The following STARD13 variants were observed in gnomAD, a reference collection of about 807,000 sequenced individuals.
STARD13 encodes stAR-related lipid transfer protein 13.
Under a neutral mutation model 106.4 loss-of-function variants are expected in STARD13, and 62 were observed. The observed-to-expected ratio is 0.58, with a 90% CI of 0.48 to 0.72. The LOEUF (loss-of-function observed/expected upper bound fraction) is 0.72. Among genes scored for constraint, STARD13 ranks in the 30% least tolerant of loss-of-function variants. The probability of loss-of-function intolerance (pLI) is 0.00; values close to 1 mark genes in which losing one functional copy is unlikely to be tolerated. For synonymous variants in STARD13, 565 were observed against 553.0 expected (o/e 1.02, Z -0.31); for missense variants, 1,387 against 1,424.0 (o/e 0.97, Z 0.42).
intron 1 of STARD13, chr13:33,205,928 G>C: frequency 1.0e-6 from 1 of 983,718 alleles, no homozygotes; most frequent in Non-Finnish European, 1.2e-6. Flanking sequence ...CTGACAGATG[G>C]TGCATCTGTC....
At chr13:33,514,014 G>A in the STARD13 span, among the ~76,000 whole-genome samples, 2 of 152,156 alleles carry the variant, frequency 1.3e-5, no homozygotes, top group African/African-American at 4.8e-5. Flanking sequence ...GCCTGAGAAA[G>A]TCAGCCTCTA....
the STARD13 span, among the ~76,000 whole-genome samples, chr13:33,519,484 C>T: frequency 6.6e-6 from 1 of 151,682 alleles, no homozygotes; most frequent in Non-Finnish European, 1.5e-5. Context: ...GCCACTGTGC[C>T]CAGCTGGGAA....
At chr13:33,337,064 G>A (rs898304610) in intron 1 of STARD13, among the ~76,000 whole-genome samples, 4 of 152,016 alleles carry the variant, frequency 2.6e-5, no homozygotes, top group African/African-American at 9.7e-5. Flanking sequence ...ATTTACATTT[G>A]CATTAGCAAA....
the STARD13 span, among the ~76,000 whole-genome samples, chr13:33,552,505 A>G: frequency 1.3e-5 from 2 of 152,244 alleles, no homozygotes; most frequent in Admixed American, 6.5e-5. Flanking sequence ...GGTGATGGAA[A>G]CATTCTAAGA....
the STARD13 span, among the ~76,000 whole-genome samples, chr13:33,668,181 G>A: frequency 3.9e-5 from 6 of 152,096 alleles, no homozygotes; most frequent in Admixed American, 6.5e-5. Context: ...AATTTAATTC[G>A]GCTGAAGTTT....
the STARD13 span, among the ~76,000 whole-genome samples, chr13:33,454,156 C>A: frequency 6.6e-6 from 1 of 152,218 alleles, no homozygotes; most frequent in Non-Finnish European, 1.5e-5. Flanking sequence ...GAAGAACACA[C>A]TTCCTGCAGG....
the STARD13 span, among the ~76,000 whole-genome samples, chr13:33,368,552 C>T: frequency 6.6e-6 from 1 of 152,160 alleles, no homozygotes; most frequent in African/African-American, 2.4e-5. Flanking sequence ...GCAGCAGCAC[C>T]ACCACCACCA....
the STARD13 span, among the ~76,000 whole-genome samples, chr13:33,359,116 G>A: frequency 2.0e-5 from 3 of 152,084 alleles, no homozygotes; most frequent in Non-Finnish European, 4.4e-5. Context: ...TTGGCAACCC[G>A]CTCAGGTTGC....
At chr13:33,537,509 G>A in the STARD13 span, among the ~76,000 whole-genome samples, 3 of 152,066 alleles carry the variant, frequency 2.0e-5, no homozygotes, top group African/African-American at 7.2e-5. Flanking sequence ...GTTAAATAAC[G>A]CTCAATTACA....
the STARD13 span, among the ~76,000 whole-genome samples, chr13:33,487,816 G>T: frequency 6.6e-6 from 1 of 152,160 alleles, no homozygotes; most frequent in Non-Finnish European, 1.5e-5. Context: ...TACTTATGCT[G>T]CAGTGTGTGA....
At chr13:33,406,867 G>A in the STARD13 span, among the ~76,000 whole-genome samples, 1 of 152,172 alleles carries the variant, frequency 6.6e-6, no homozygotes, top group Non-Finnish European at 1.5e-5. Flanking sequence ...GTGCATCACT[G>A]CTCTGGGCCT....
the STARD13 span, among the ~76,000 whole-genome samples, chr13:33,633,527 T>C: frequency 6.6e-6 from 1 of 152,226 alleles, no homozygotes; most frequent in Non-Finnish European, 1.5e-5. Flanking sequence ...CTTCACAGAT[T>C]GCATCTGCAG....
chr13:33,658,036 A>C, the STARD13 span, among the ~76,000 whole-genome samples: 12 of 152,186 alleles, frequency 7.9e-5, no homozygotes, highest in Non-Finnish European at 1.6e-4. Context: ...TCATGATCCC[A>C]AACTGTACTC....
At chr13:33,378,964 G>T in the STARD13 span, among the ~76,000 whole-genome samples, 2 of 152,000 alleles carry the variant, frequency 1.3e-5, no homozygotes, top group East Asian at 3.9e-4. Flanking sequence ...ACAAAAATTA[G>T]CCAGGTGTGA....
At chr13:33,339,436 T>C (rs544375789) in intron 1 of STARD13, among the ~76,000 whole-genome samples, 5 of 152,358 alleles carry the variant, frequency 3.3e-5, no homozygotes, top group African/African-American at 9.6e-5. Flanking sequence ...TTGTGACAAA[T>C]ATTTATGTCA....
chr13:33,574,426 A>C, the STARD13 span, among the ~76,000 whole-genome samples: 1 of 152,192 alleles, frequency 6.6e-6, no homozygotes, highest in Non-Finnish European at 1.5e-5. Context: ...GACTAAAAAA[A>C]GTTTTCCACA....
At chr13:33,252,756 T>C (rs1371518236) in intron 1 of STARD13, among the ~76,000 whole-genome samples, 1 of 152,222 alleles carries the variant, frequency 6.6e-6, no homozygotes, top group Non-Finnish European at 1.5e-5. Context: ...TTTAGCAAGA[T>C]TTGTATCTGA....
chr13:33,540,371 G>C, the STARD13 span, among the ~76,000 whole-genome samples: 1 of 152,106 alleles, frequency 6.6e-6, no homozygotes, highest in Non-Finnish European at 1.5e-5. Context: ...TTGGGCCTTG[G>C]AGACATTATT....
At chr13:33,155,061 C>A (rs140621909) in intron 3 of STARD13, among the ~76,000 whole-genome samples, 1 of 152,274 alleles carries the variant, frequency 6.6e-6, no homozygotes, top group African/African-American at 2.4e-5. Context: ...CCAGCTGTCC[C>A]TGAGTGACCT....
Sources: gnomAD v4.1 joint callset for allele counts (sites outside exome capture counted in the v4.1 genomes callset) on GRCh38, gnomAD v4.1.1 for gene constraint, MANE v1.5 for transcripts, NCBI Gene and HGNC (gene_info 2026-07-23, HGNC 2026-07-21) for gene names.